The following SUGCT variants were observed in gnomAD, a reference collection of about 807,000 sequenced individuals.
SUGCT encodes succinyl-CoA:glutarate-CoA transferase, also known as succinyl-CoA:glutarate CoA-transferase.
SUGCT carries 41 observed loss-of-function variants against 55.0 expected under a neutral mutation model. The ratio of observed to expected loss-of-function variants is 0.74; its 90% CI spans 0.58 to 0.97. The LOEUF (loss-of-function observed/expected upper bound fraction) is 0.97, where lower values mean the gene tolerates loss of function less well. Ranked by LOEUF, SUGCT falls within the 50% of genes least tolerant of loss-of-function variation. The pLI is 0.00. For missense variants in SUGCT, 568 were observed against 547.8 expected, an observed-to-expected ratio of 1.04 and a Z score of -0.37; for synonymous variants, 187 against 200.4, an observed-to-expected ratio of 0.93 and a Z score of 0.56.
At chr7:40,336,605 C>T (rs117195766) in intron 9 of SUGCT, among the ~76,000 whole-genome samples, 2,070 of 152,230 alleles carry the variant, frequency 0.014, 33 homozygotes, top group Non-Finnish European at 0.02. Context: ...TCCCCTTTAT[C>T]GTTTTTTATT....
chr7:40,237,462 C>G (rs887697768), intron 6 of SUGCT, among the ~76,000 whole-genome samples, 173 bp from the exon 7 acceptor site: 2 of 151,844 alleles, frequency 1.3e-5, no homozygotes, highest in Non-Finnish European at 2.9e-5. Context: ...AATGAGTAGC[C>G]GGGGTCGAGC....
intron 12 of SUGCT, among the ~76,000 whole-genome samples, chr7:40,506,505 T>C (rs1048270759): frequency 6.6e-6 from 1 of 152,198 alleles, no homozygotes; most frequent in African/African-American, 2.4e-5. Context: ...TAATCTACTT[T>C]GAGTTCATTC....
chr7:40,705,296 A>G lies in SUGCT; in HGVS notation c.1090-44138A>G, dbSNP rs192627249. On this transcript the variant is annotated intron_variant, in intron 12 of 13. Coordinates refer to ENST00000335693, the MANE Select transcript of SUGCT (RefSeq NM_001193313.2). ...TGCAATATCAAAACCAGAAATTGACATTGGTATAATGTATATGTATTATGT... is the reference window on the plus strand; with the variant it reads ...TGCAATATCAAAACCAGAAATTGACGTTGGTATAATGTATATGTATTATGT... Among the ~76,000 whole-genome samples, 439 of 152,348 alleles carry G rather than the reference A, an allele frequency of 2.9e-3. 1 individual carries two copies. Among genetic ancestry groups the G allele is most frequent in the Non-Finnish European group, 3.8e-3 (260 of 68,036 alleles).
the SUGCT span, among the ~76,000 whole-genome samples, chr7:40,915,043 T>A: frequency 6.6e-6 from 1 of 152,150 alleles, no homozygotes; most frequent in East Asian, 1.9e-4. Flanking sequence ...AAGATAGGGA[T>A]CGTATCAGAA....
chr7:40,993,399 G>A, the SUGCT span, among the ~76,000 whole-genome samples: 1 of 152,148 alleles, frequency 6.6e-6, no homozygotes, highest in Non-Finnish European at 1.5e-5. Context: ...AGCTGAATGC[G>A]AGAGGCTTAC....
chr7:40,441,945 T>A (rs958491172), intron 9 of SUGCT, among the ~76,000 whole-genome samples: 2 of 152,112 alleles, frequency 1.3e-5, no homozygotes, highest in Non-Finnish European at 2.9e-5. Context: ...GTCTCAGGAC[T>A]GGTTGTATTA....
At chr7:40,730,879 A>G (rs74575621) in intron 12 of SUGCT, among the ~76,000 whole-genome samples, 2,914 of 152,290 alleles carry the variant, frequency 0.019, 92 homozygotes, top group African/African-American at 0.067. Context: ...CTTCTCTTTT[A>G]AGGCTGAATA....
the SUGCT span, among the ~76,000 whole-genome samples, chr7:40,891,929 AC>A: frequency 3.9e-5 from 6 of 151,986 alleles, no homozygotes; most frequent in Non-Finnish European, 8.8e-5. Flanking sequence ...AATCACTTGA[AC>A]CCAGGAGGCA....
chr7:40,704,809 C>G (rs1785321761), intron 12 of SUGCT, among the ~76,000 whole-genome samples: 1 of 152,166 alleles, frequency 6.6e-6, no homozygotes, highest in East Asian at 1.9e-4. Context: ...CAGAACAATT[C>G]ATTGAAGAAG....
At chr7:40,189,417 T>TTTTTTTC in intron 4 of SUGCT, 127 bp from the exon 5 acceptor site, 1 of 206,118 alleles carries the variant, frequency 4.9e-6, no homozygotes, top group Non-Finnish European at 1.0e-5. Flanking sequence ...TTTTTTACTT[T>TTTTTTTC]TTATTTTAGA....
the SUGCT span, among the ~76,000 whole-genome samples, chr7:40,906,688 G>A: frequency 7.6e-4 from 116 of 152,266 alleles, 1 homozygote; most frequent in Admixed American, 2.9e-3. Context: ...ATACTAAGCC[G>A]TTTTATATAA....
chr7:40,707,104 T>C (rs549051515), intron 12 of SUGCT, among the ~76,000 whole-genome samples: 2 of 152,314 alleles, frequency 1.3e-5, no homozygotes, highest in South Asian at 2.1e-4. Context: ...TAGAACTGTT[T>C]GGACTGAACT....
intron 7 of SUGCT, among the ~76,000 whole-genome samples, chr7:40,246,296 A>C (rs1003861535): frequency 1.6e-4 from 24 of 149,000 alleles, no homozygotes; most frequent in African/African-American, 5.9e-4. Flanking sequence ...GTCATCCAGG[A>C]TAGAGTGTAG....
chr7:40,345,464 T>C (rs997556036), intron 9 of SUGCT, among the ~76,000 whole-genome samples: 1 of 152,226 alleles, frequency 6.6e-6, no homozygotes, highest in African/African-American at 2.4e-5. Context: ...TGCTTTTATT[T>C]CTTTCAATTT....
intron 9 of SUGCT, among the ~76,000 whole-genome samples, chr7:40,412,947 T>C (rs190048327): frequency 5.3e-5 from 8 of 152,348 alleles, no homozygotes; most frequent in Admixed American, 1.3e-4. Flanking sequence ...TCTTACATTT[T>C]ATATTTATTC....
intron 8 of SUGCT, among the ~76,000 whole-genome samples, chr7:40,311,897 C>T (rs1348208999): frequency 6.6e-6 from 1 of 152,094 alleles, no homozygotes; most frequent in African/African-American, 2.4e-5. Flanking sequence ...TATGGAAACA[C>T]ACAAAGGGTT....
intron 12 of SUGCT, among the ~76,000 whole-genome samples, chr7:40,612,552 A>G (rs1472189769): frequency 6.6e-6 from 1 of 152,186 alleles, no homozygotes; most frequent in Non-Finnish European, 1.5e-5. Flanking sequence ...AAGAGGACAG[A>G]GTCTGGAGTC....
In SUGCT at chr7:40,282,706, C is replaced by T. The variant is rs369558249; in HGVS notation, c.720+8050C>T. ...CCACTATAATGAGACCCTGTCTATA[C>T]AAAAAAATACAAAAATTACCCGGGC... On this transcript the variant is annotated intron_variant, in intron 8 of 13. Transcript: ENST00000335693. 1.6e-3 allele frequency among the ~76,000 whole-genome samples: 239 copies of T among 151,314 alleles called. 2 individuals carry two copies. The highest frequency in any genetic ancestry group is 5.4e-3 in the African/African-American group (221 of 41,248).
intron 12 of SUGCT, among the ~76,000 whole-genome samples, chr7:40,516,786 T>C (rs1793260009): frequency 6.6e-6 from 1 of 152,158 alleles, no homozygotes; most frequent in Non-Finnish European, 1.5e-5. Flanking sequence ...TTCTTCTTTT[T>C]CAAGATTGTT....
Sources: gnomAD v4.1 joint callset for allele counts (sites outside exome capture counted in the v4.1 genomes callset) on GRCh38, gnomAD v4.1.1 for gene constraint, MANE v1.5 for transcripts, NCBI Gene and HGNC (gene_info 2026-07-23, HGNC 2026-07-21) for gene names.